FCHO1: variants seen among roughly 807,000 people sequenced by gnomAD.
FCHO1 encodes FCH and mu domain containing endocytic adaptor 1.
In FCHO1, 45 loss-of-function variants were observed where a neutral mutation model predicts 114.4. The ratio of observed to expected loss-of-function variants is 0.39; its 90% CI spans 0.31 to 0.50. The LOEUF (loss-of-function observed/expected upper bound fraction) is 0.50, where lower values mean the gene tolerates loss of function less well. Among genes scored for constraint, FCHO1 ranks in the 20% least tolerant of loss-of-function variants. FCHO1 has a pLI of 0.77. For missense variants in FCHO1, 1,042 were observed against 1,209.6 expected (o/e 0.86, Z 2.06); for synonymous variants, 480 against 488.9 (o/e 0.98, Z 0.24).
Position 17,784,281 on chromosome 19 carries a change from C to T in FCHO1, c.2226+46C>T. 6.4e-7 allele frequency: 1 copy of T among 1,552,402 alleles called. No individual in the cohort carries two copies. The highest frequency in any genetic ancestry group is 2.4e-5 in the East Asian group (1 of 41,322). On this transcript the variant is annotated intron_variant, in intron 25 of 28. Coordinates refer to ENST00000596536, the MANE Select transcript of FCHO1 (RefSeq NM_015122.3). This position sits in a 1 kb window ranked among gnomAD's most constrained non-coding sequence, Gnocchi z 5.3. Reference sequence around the variant, plus strand: ...CGGGAGGAGGTGGTGGAGTGGGGGACACGGTGAGCCGGCAGCAGACATGGA... The same window carrying T: ...CGGGAGGAGGTGGTGGAGTGGGGGATACGGTGAGCCGGCAGCAGACATGGA...
upstream of FCHO1, among the ~76,000 whole-genome samples, chr19:17,749,141 G>A (rs1316072647): frequency 6.6e-6 from 1 of 152,156 alleles, no homozygotes; most frequent in African/African-American, 2.4e-5. Context: ...CACGCCAGGG[G>A]TGAACCTGTT....
At chr19:17,755,217 G>T in intron 4 of FCHO1, 26 bp downstream of exon 4, 1 of 1,596,274 alleles carries the variant, frequency 6.3e-7, no homozygotes, top group Non-Finnish European at 8.6e-7. Flanking sequence ...ATTTAGGCGG[G>T]GGATGCTGGC....
chr19:17,780,161 CT>C (rs11400972), intron 20 of FCHO1, among the ~76,000 whole-genome samples: 66 of 103,398 alleles, frequency 6.4e-4, no homozygotes, highest in African/African-American at 1.7e-3. Context: ...AGAAGAAGCT[CT>C]TTTTTTTTTT....
rs746164560 is a variant in FCHO1, at chr19:17,775,957, T to G, written c.1004-26T>G. On this transcript the variant is annotated intron_variant, in intron 15 of 28. Coordinates refer to ENST00000596536, the MANE Select transcript of FCHO1 (RefSeq NM_015122.3). The surrounding 1 kb of genome is among the most constrained non-coding windows in gnomAD (Gnocchi z 5.1). Reference sequence around the variant, plus strand: ...ACTGGGGGAAAGCTTGTGTTGGGATTGGCTTGGACCTTGACTGCAGCCCAC... The same window carrying G: ...ACTGGGGGAAAGCTTGTGTTGGGATGGGCTTGGACCTTGACTGCAGCCCAC... 6.3e-7 allele frequency: 1 copy of G among 1,599,000 alleles called. No individual in the cohort carries two copies. Among genetic ancestry groups the G allele is most frequent in the East Asian group, 2.2e-5 (1 of 44,730 alleles).
Position 17,770,522 on chromosome 19 carries a change from G to T in FCHO1, c.434G>T (p.Cys145Phe), listed in dbSNP as rs778905601. The change falls in exon 8 of 29, where the codon TGC becomes TTC. Residue 145 changes from cysteine (C) to phenylalanine (F), a missense_variant. This residue lies in a region of FCHO1 where 450 missense variants were observed against 564.1 expected (regional missense o/e 0.80). Transcript: ENST00000596536. ...PKSRENYLNR[C>F]MDQERLRRES... Reference sequence around the variant, plus strand: ...TCCCGCGAGAACTACCTGAACCGTTGCATGGACCAGGAGCGGCTGCGGAGG... The same window carrying T: ...TCCCGCGAGAACTACCTGAACCGTTTCATGGACCAGGAGCGGCTGCGGAGG... The T allele has an allele frequency of 6.2e-7, 1 of 1,613,968 alleles. No homozygotes were observed. The highest frequency in any genetic ancestry group is 1.1e-5 in the South Asian group (1 of 91,082).
chr19:17,788,217 C>A, intron 28 of FCHO1, 67 bp from the exon 29 acceptor site: 1 of 1,128,152 alleles, frequency 8.9e-7, no homozygotes, highest in Non-Finnish European at 1.3e-6. Context: ...ATCCCAGGGT[C>A]AGAGCCGGGG....
At chr19:17,763,354 C>T (rs1172230874) in intron 5 of FCHO1, among the ~76,000 whole-genome samples, 2 of 151,040 alleles carry the variant, frequency 1.3e-5, no homozygotes, top group Admixed American at 6.6e-5. Flanking sequence ...ACCTCTGCCT[C>T]CCGGGTTCCA....
chr19:17,753,273 A>G (rs909515579), intron 1 of FCHO1, among the ~76,000 whole-genome samples: 1 of 152,154 alleles, frequency 6.6e-6, no homozygotes, highest in African/African-American at 2.4e-5. Context: ...CCACCAAACT[A>G]GGTTTCCTAA....
At chr19:17,787,457 A>G (rs2094011650) in intron 27 of FCHO1, among the ~76,000 whole-genome samples, 1 of 151,004 alleles carries the variant, frequency 6.6e-6, no homozygotes, top group South Asian at 2.1e-4. Flanking sequence ...CCAGGGCCAG[A>G]TGGCCAGACA....
chr19:17,766,447 G>T, intron 6 of FCHO1: 1 of 495,170 alleles, frequency 2.0e-6, no homozygotes, highest in South Asian at 2.9e-5. Flanking sequence ...CTCTAATGTT[G>T]ATTTGTTGAG....
rs201744369 is a variant in FCHO1, at chr19:17,778,094, T to G, written c.1260-43T>G. 197 of 1,486,670 alleles carry G rather than the reference T, an allele frequency of 1.3e-4. 1 individual carries two copies. The highest frequency in any genetic ancestry group is 7.1e-4 in the Middle Eastern group (4 of 5,616). The allele number at this position is 1,486,670 out of a possible 1,614,324, so 92.1% of individuals were successfully genotyped here. On this transcript the variant is annotated intron_variant, in intron 18 of 28. Coordinates refer to ENST00000596536, the MANE Select transcript of FCHO1 (RefSeq NM_015122.3). ...CAAAGGCCCCAGGGTGGGATGAGGCTTGGGAAAAATAGAAGCAGCCCTCTT... is the reference window on the plus strand; with the variant it reads ...CAAAGGCCCCAGGGTGGGATGAGGCGTGGGAAAAATAGAAGCAGCCCTCTT...
At position 17,785,859 on chromosome 19, in the gene FCHO1, A is replaced by T. The variant is rs1171093123; in HGVS notation, c.2427-715A>T. ...AAAAAAAAAAAAAAATAGTAGTGGT[A>T]GTGTGCTCTTGTAGTCCCAGCTACT... On this transcript the variant is annotated intron_variant, in intron 26 of 28. Coordinates refer to ENST00000596536, the MANE Select transcript of FCHO1 (RefSeq NM_015122.3). Among the ~76,000 whole-genome samples, 5 of 149,608 alleles carry T rather than the reference A, an allele frequency of 3.3e-5. No homozygotes were observed. In the South Asian group the frequency reaches 1.0e-3, roughly 31 times the overall value.
intron 11 of FCHO1, among the ~76,000 whole-genome samples, chr19:17,773,027 T>C (rs572749671): frequency 3.3e-5 from 5 of 152,264 alleles, no homozygotes; most frequent in Admixed American, 6.5e-5. Flanking sequence ...CCTGATCTTA[T>C]GTGTAAATGT....
rs2092654668 is a variant in FCHO1 at position 17,776,535 on chromosome 19, A to G, written c.1208-100A>G. On this transcript the variant is annotated intron_variant, in intron 17 of 28. Coordinates refer to ENST00000596536, the MANE Select transcript of FCHO1 (RefSeq NM_015122.3). The surrounding 1 kb of genome is among the most constrained non-coding windows in gnomAD (Gnocchi z 4.4). ...GCCTGATTTGCTGATCACCTTGGGCAACTGGCTGGACACCCCCGAGCCTCG... is the reference window on the plus strand; with the variant it reads ...GCCTGATTTGCTGATCACCTTGGGCGACTGGCTGGACACCCCCGAGCCTCG... 2.9e-6 allele frequency: 4 copies of G among 1,369,034 alleles called. No individual in the cohort carries two copies. The highest frequency in any genetic ancestry group is 4.2e-6 in the Non-Finnish European group (4 of 961,014). The allele number at this position is 1,369,034 out of a possible 1,614,324, so 84.8% of individuals were successfully genotyped here. A position where few individuals can be genotyped will look rare whatever the true frequency, so the allele number is the denominator to read the frequency against.
chr19:17,752,050 A>C (rs1052057647), intron 1 of FCHO1, among the ~76,000 whole-genome samples: 2 of 152,098 alleles, frequency 1.3e-5, no homozygotes, highest in Middle Eastern at 3.2e-3. Context: ...GGGTGAGGCA[A>C]TCTAATTGAA....
At chr19:17,761,362 T>C (rs185077038) in intron 4 of FCHO1, among the ~76,000 whole-genome samples, 2 of 151,032 alleles carry the variant, frequency 1.3e-5, no homozygotes, top group Admixed American at 1.3e-4. Context: ...GGAATGTGGC[T>C]TTCAGGGTTG....
At chr19:17,773,571 TG>T (rs1447887084) in intron 11 of FCHO1, among the ~76,000 whole-genome samples, 4 of 152,302 alleles carry the variant, frequency 2.6e-5, no homozygotes, top group African/African-American at 9.6e-5. Context: ...CCATTGTTCT[TG>T]GGAGAGAGTT....
intron 4 of FCHO1, among the ~76,000 whole-genome samples, chr19:17,759,226 C>CTTTTTTTTTTCTTTT (rs2085067432): frequency 9.4e-6 from 1 of 105,920 alleles, no homozygotes; most frequent in Non-Finnish European, 1.8e-5. Context: ...AGCTGATTAC[C>CTTTTTTTTTTCTTTT]TTTTTTTTTT....
chr19:17,783,464 C>T (rs1008103021), intron 24 of FCHO1, among the ~76,000 whole-genome samples: 9 of 152,030 alleles, frequency 5.9e-5, no homozygotes, highest in Non-Finnish European at 1.0e-4. Context: ...GACAGGGTTT[C>T]ATCATGTTGC....
Sources: allele counts gnomAD v4.1 joint callset (sites outside exome capture counted in the v4.1 genomes callset), GRCh38; gene constraint gnomAD v4.1.1; regional missense constraint gnomAD v4.1.1; non-coding constraint Gnocchi (gnomAD v3.1); transcripts MANE v1.5; gene names NCBI Gene and HGNC (gene_info 2026-07-23, HGNC 2026-07-21).